The following ZZEF1 variants were observed in gnomAD, a reference collection of about 807,000 sequenced individuals.
ZZEF1 encodes zinc finger ZZ-type and EF-hand domain containing 1, also known as zinc finger ZZ-type and EF-hand domain-containing protein 1.
ZZEF1 carries 157 observed loss-of-function variants against 342.8 expected under a neutral mutation model. That is an observed-to-expected ratio of 0.46 (90% CI 0.40 to 0.52). The LOEUF is 0.52. Among genes scored for constraint, ZZEF1 ranks in the 20% least tolerant of loss-of-function variants. The probability of loss-of-function intolerance (pLI) is 0.00; values close to 1 mark genes in which losing one functional copy is unlikely to be tolerated. For missense variants in ZZEF1, 3,480 were observed against 3,725.6 expected, an observed-to-expected ratio of 0.93 and a Z score of 1.72; for synonymous variants, 1,505 against 1,429.1, an observed-to-expected ratio of 1.05 and a Z score of -1.20.
chr17:4,103,447 T>C (rs547316626), intron 8 of ZZEF1, among the ~76,000 whole-genome samples: 2 of 152,026 alleles, frequency 1.3e-5, no homozygotes, highest in East Asian at 3.9e-4. Flanking sequence ...CTCAGGAGGC[T>C]GAGGCAAGAG....
At chr17:4,103,073 A>G (rs942592266) in intron 8 of ZZEF1, among the ~76,000 whole-genome samples, 7 of 152,206 alleles carry the variant, frequency 4.6e-5, no homozygotes, top group African/African-American at 1.7e-4. Context: ...TCTAAATTCT[A>G]TTCAGCTTCC....
intron 43 of ZZEF1, among the ~76,000 whole-genome samples, chr17:4,024,640 A>C (rs1260925713): frequency 6.6e-6 from 1 of 152,214 alleles, no homozygotes; most frequent in Non-Finnish European, 1.5e-5. Context: ...AGAGGAAAGT[A>C]AGAAACTTTT....
At position 4,021,282 on chromosome 17, in the gene ZZEF1, GAT is replaced by G; in HGVS notation, c.7249_7250del (p.Ile2417GlnfsTer5). ...GGTCTCCGTGCTCAGCCAAAGCGTT[GAT>G]CTCCTTTTTTGAGGAGTACAGCATG... is the stretch of plus-strand genomic sequence containing the variant. ...SIMLYSSKKE[I>X]NALAEHGDLE... On this transcript the variant is annotated frameshift_variant, in exon 45 of 55. Coordinates refer to ENST00000381638, the MANE Select transcript of ZZEF1 (RefSeq NM_015113.4). LOFTEE classifies it high-confidence loss of function. 6.2e-7 allele frequency: 1 copy of G among 1,613,934 alleles called. No homozygotes were observed. The highest frequency in any genetic ancestry group is 8.5e-7 in the Non-Finnish European group (1 of 1,179,932).
Position 4,006,656 on chromosome 17 carries a change from C to G in ZZEF1, c.*234G>C. On this transcript the variant is annotated 3_prime_UTR_variant, in exon 55 of 55. Coordinates refer to ENST00000381638, the MANE Select transcript of ZZEF1 (RefSeq NM_015113.4). ...CCTTCTTAAGGGCCCCCTGCCCACC[C>G]TTTCTGAGGCATTCTGCACTGCTTG... 1 of 565,038 alleles carries G rather than the reference C, an allele frequency of 1.8e-6. No homozygotes were observed. 35.0% of individuals were successfully genotyped at this position (565,038 alleles called of 1,614,324 possible). A position where few individuals can be genotyped will look rare whatever the true frequency, so the allele number is the denominator to read the frequency against.
At chr17:4,048,865 C>G (rs1408976282) in intron 37 of ZZEF1, among the ~76,000 whole-genome samples, 1 of 143,768 alleles carries the variant, frequency 7.0e-6, no homozygotes, top group Non-Finnish European at 1.5e-5. Context: ...GTGACACCAG[C>G]CTGGATAATT....
At chr17:4,044,428 CATGATT>C in intron 37 of ZZEF1, 54 bp from the exon 38 acceptor site, 1 of 1,522,370 alleles carries the variant, frequency 6.6e-7, no homozygotes, top group Non-Finnish European at 8.9e-7. Context: ...AAGTTTGCTC[CATGATT>C]ATGATAACTT....
intron 39 of ZZEF1, among the ~76,000 whole-genome samples, chr17:4,035,938 A>G (rs2056650848): frequency 6.6e-6 from 1 of 152,074 alleles, no homozygotes; most frequent in South Asian, 2.1e-4. Context: ...TGTCCCTACT[A>G]AACATATAAA....
At position 4,014,496 on chromosome 17, in the gene ZZEF1, C is replaced by T; in HGVS notation, c.8165G>A (p.Gly2722Asp). 1 of 1,614,162 alleles carries T rather than the reference C, an allele frequency of 6.2e-7. No homozygotes were observed. Among genetic ancestry groups the T allele is most frequent in the East Asian group, 2.2e-5 (1 of 44,882 alleles). ...TNFEDKVHIPGAIYLSIKFDS... is the reference protein window; with the variant it reads ...TNFEDKVHIPDAIYLSIKFDS... ...GAATTTGATTGAGAGGTAGATGGCA[C>T]CAGGAATGTGAACTTTATCCTAGGG... is the stretch of plus-strand genomic sequence containing the variant. Residue 2722 changes from glycine (G) to aspartate (D), a missense_variant, in exon 50 of 55, where the codon GGT becomes GAT. Physicochemically the swap from Gly to Asp is moderately conservative, Grantham distance 94 (BLOSUM62 -1). Transcript: ENST00000381638. The surrounding 1 kb of genome is among the most constrained non-coding windows in gnomAD (Gnocchi z 4.4).
In ZZEF1 at chr17:4,116,996, CCAGAGA is replaced by C; in HGVS notation, c.664_669del (p.Ser222_Leu223del). 6.2e-7 allele frequency: 1 copy of C among 1,611,316 alleles called. No individual in the cohort carries two copies. Among genetic ancestry groups the C allele is most frequent in the Non-Finnish European group, 8.5e-7 (1 of 1,178,112 alleles). ...CCCTTTTCCTTTTGTACCAGCTGAT[CCAGAGA>C]CTCCTTCAGGACGGAAGACCGCATG... On this transcript the variant is annotated inframe_deletion, in exon 3 of 55. Transcript: ENST00000381638.
At chr17:4,142,519 C>A in intron 1 of ZZEF1, 23 bp downstream of exon 1, 2 of 1,586,986 alleles carry the variant, frequency 1.3e-6, no homozygotes, top group Non-Finnish European at 1.7e-6. Context: ...GCCCCATCCC[C>A]GCAGTCGCCT....
At chr17:4,086,233 C>T (rs1597870250) in intron 15 of ZZEF1, among the ~76,000 whole-genome samples, 1 of 152,322 alleles carries the variant, frequency 6.6e-6, no homozygotes, top group South Asian at 2.1e-4. Flanking sequence ...AAATCCTGAA[C>T]TCAAACTAGT....
intron 7 of ZZEF1, 57 bp downstream of exon 7, chr17:4,105,636 C>G: frequency 7.9e-7 from 1 of 1,267,816 alleles, no homozygotes; most frequent in Non-Finnish European, 1.1e-6. Context: ...AAAGACTTAA[C>G]AAGCATACGT....
At chr17:4,070,448 A>G (rs1288299655) in intron 26 of ZZEF1, among the ~76,000 whole-genome samples, 1 of 152,206 alleles carries the variant, frequency 6.6e-6, no homozygotes, top group African/African-American at 2.4e-5. Flanking sequence ...AATTCTGGAT[A>G]AAGATAATTT....
intron 42 of ZZEF1, among the ~76,000 whole-genome samples, chr17:4,027,954 G>A (rs2056454770): frequency 6.6e-6 from 1 of 152,024 alleles, no homozygotes; most frequent in Non-Finnish European, 1.5e-5. Context: ...AGAGTGCTGG[G>A]TTATTTTGTT....
chr17:4,014,282 T>C lies in ZZEF1; in HGVS notation c.8314+65A>G, dbSNP rs1323478254. The C allele has an allele frequency of 1.9e-6, 3 of 1,611,146 alleles. No individual in the cohort carries two copies. Among genetic ancestry groups the C allele is most frequent in the Non-Finnish European group, 1.7e-6 (2 of 1,177,632 alleles). ...TTTCAACATTCTCCAGTAAGTTCCC[T>C]TCTCAATATTAAGTTTAAACACTGC... On this transcript the variant is annotated intron_variant, in intron 50 of 54. Transcript: ENST00000381638. This position sits in a 1 kb window ranked among gnomAD's most constrained non-coding sequence, Gnocchi z 4.4.
intron 30 of ZZEF1, among the ~76,000 whole-genome samples, chr17:4,061,133 G>C (rs547700338): frequency 1.3e-5 from 2 of 152,318 alleles, no homozygotes; most frequent in South Asian, 4.1e-4. Context: ...GCTCCAGTAA[G>C]ACTGCTGTCA....
intron 1 of ZZEF1, 69 bp downstream of exon 1, chr17:4,142,473 C>T (rs754678150): frequency 6.3e-5 from 96 of 1,515,760 alleles, no homozygotes; most frequent in Non-Finnish European, 8.0e-5. Context: ...AGCAAATGCC[C>T]ACCTCTTCCT....
intron 19 of ZZEF1, among the ~76,000 whole-genome samples, chr17:4,077,313 G>T (rs1363223758): frequency 6.6e-6 from 1 of 152,104 alleles, no homozygotes; most frequent in African/African-American, 2.4e-5. Flanking sequence ...CCGTGCATTA[G>T]GTGTACCAAT....
intron 1 of ZZEF1, among the ~76,000 whole-genome samples, chr17:4,130,129 A>G (rs193276362): frequency 1.7e-3 from 253 of 152,250 alleles, no homozygotes; most frequent in Non-Finnish European, 2.1e-3. Context: ...ACAAAACTGC[A>G]CATGTACCCC....
Sources: allele counts gnomAD v4.1 joint callset (sites outside exome capture counted in the v4.1 genomes callset), GRCh38; gene constraint gnomAD v4.1.1; non-coding constraint Gnocchi (gnomAD v3.1); transcripts MANE v1.5; gene names NCBI Gene and HGNC (gene_info 2026-07-23, HGNC 2026-07-21).